WWC2: variants seen among roughly 807,000 people sequenced by gnomAD.
The protein encoded by WWC2 is WW and C2 domain containing 2.
A neutral mutation model predicts 138.5 loss-of-function variants in WWC2; 101 were observed. The ratio of observed to expected loss-of-function variants is 0.73; its 90% CI spans 0.62 to 0.86. The LOEUF (loss-of-function observed/expected upper bound fraction) is 0.86, where lower values mean the gene tolerates loss of function less well. WWC2 is among the 40% of genes least tolerant of loss of function. The probability of loss-of-function intolerance (pLI) is 0.00; values close to 1 mark genes in which losing one functional copy is unlikely to be tolerated. For missense variants in WWC2, 1,420 were observed against 1,419.4 expected (o/e 1.00, Z -0.01); for synonymous variants, 558 against 538.4 (o/e 1.04, Z -0.50).
At position 183,259,763 on chromosome 4, in the gene WWC2, C is replaced by T. The variant is rs1325830961; in HGVS notation, c.1286+35C>T. 2.2e-6 allele frequency: 3 copies of T among 1,362,968 alleles called. No individual in the cohort carries two copies. In the Admixed American group the frequency reaches 6.4e-5, roughly 29 times the overall value. 84.4% of individuals were successfully genotyped at this position (1,362,968 alleles called of 1,614,324 possible). On this transcript the variant is annotated intron_variant, in intron 10 of 22. Coordinates refer to ENST00000403733, the MANE Select transcript of WWC2 (RefSeq NM_024949.6). ...TCAGATTTTTGAGGGGAAAGCTTTT[C>T]TCCGAATAGCATGTTCTTGTTCATC...
chr4:183,178,375 T>TATAAATAA (rs1204507075), intron 1 of WWC2, among the ~76,000 whole-genome samples: 15 of 112,838 alleles, frequency 1.3e-4, no homozygotes, highest in Non-Finnish European at 2.1e-4. Flanking sequence ...ACCCTGTTTC[T>TATAAATAA]ACAAATAAAT....
intron 21 of WWC2, among the ~76,000 whole-genome samples, chr4:183,296,400 T>C (rs555274417): frequency 2.0e-5 from 3 of 152,292 alleles, no homozygotes; most frequent in East Asian, 1.9e-4. Flanking sequence ...AGTGCAAAGA[T>C]TTGAGAGAGC....
intron 2 of WWC2, among the ~76,000 whole-genome samples, chr4:183,198,830 T>C (rs1735222680): frequency 6.9e-6 from 1 of 145,376 alleles, no homozygotes; most frequent in Non-Finnish European, 1.5e-5. Flanking sequence ...CCTTTTGTGC[T>C]CTTGCATAAA....
At chr4:183,220,637 A>G (rs1462317610) in intron 4 of WWC2, among the ~76,000 whole-genome samples, 6 of 152,126 alleles carry the variant, frequency 3.9e-5, no homozygotes, top group East Asian at 1.9e-4. Context: ...GATTGAGACC[A>G]TCCTGGCTAA....
At chr4:183,266,554 G>A (rs1737512186) in intron 14 of WWC2, among the ~76,000 whole-genome samples, 2 of 152,146 alleles carry the variant, frequency 1.3e-5, no homozygotes, top group African/African-American at 2.4e-5. Context: ...TGACAAATAA[G>A]TCTGGAAGTC....
At chr4:183,218,418 G>C (rs1185981743) in intron 4 of WWC2, among the ~76,000 whole-genome samples, 1 of 151,668 alleles carries the variant, frequency 6.6e-6, no homozygotes, top group Non-Finnish European at 1.5e-5. Flanking sequence ...CTCTGCTTTC[G>C]GTTCTTTGGG....
At chr4:183,177,660 A>G (rs1244499072) in intron 1 of WWC2, among the ~76,000 whole-genome samples, 2 of 151,532 alleles carry the variant, frequency 1.3e-5, no homozygotes, top group African/African-American at 4.8e-5. Flanking sequence ...ATGATGTTAG[A>G]AAAAAAAAGA....
At chr4:183,264,909 G>A in intron 11 of WWC2, 69 bp from the exon 12 acceptor site, 1 of 1,459,656 alleles carries the variant, frequency 6.9e-7, no homozygotes, top group Non-Finnish European at 9.1e-7. Flanking sequence ...ACCAAACTAT[G>A]TATGTATTTA....
At position 183,210,578 on chromosome 4, in the gene WWC2, A is replaced by T. The variant is rs564583826; in HGVS notation, c.522+1553A>T. On this transcript the variant is annotated intron_variant, in intron 4 of 22. Transcript: ENST00000403733. ...CAAATATACACAATACAATTTATTT[A>T]AAAAAATACAACCATGGCTCACTTA... Among the ~76,000 whole-genome samples the T allele has an allele frequency of 9.8e-5, 15 of 152,316 alleles. No homozygotes were observed. The South Asian group carries it at 1.9e-3, about 19-fold the overall frequency.
rs375752784 is a variant in WWC2 at position 183,177,549 on chromosome 4, G to C, written c.132-16050G>C. On this transcript the variant is annotated intron_variant, in intron 1 of 22. Coordinates refer to ENST00000403733, the MANE Select transcript of WWC2 (RefSeq NM_024949.6). The stretch of plus-strand genomic sequence containing the variant: ...TTAACAAGGTTCAAGAATAAATAAG[G>C]CTGTTTCCTCTTCTTAATAAATACA... Among the ~76,000 whole-genome samples, 66 of 152,140 alleles carry C rather than the reference G, an allele frequency of 4.3e-4. No homozygotes were observed. The East Asian group carries it at 0.01, about 23-fold the overall frequency.
chr4:183,135,250 T>A (rs922908401), intron 1 of WWC2, among the ~76,000 whole-genome samples: 3 of 152,182 alleles, frequency 2.0e-5, no homozygotes, highest in African/African-American at 4.8e-5. Flanking sequence ...CTACTTAGTT[T>A]ACATTTATTG....
intron 1 of WWC2, among the ~76,000 whole-genome samples, chr4:183,116,441 T>G (rs1732411041): frequency 6.6e-6 from 1 of 152,242 alleles, no homozygotes; most frequent in Admixed American, 6.5e-5. Flanking sequence ...TATTTCCATT[T>G]TAGGAAACTG....
intron 1 of WWC2, among the ~76,000 whole-genome samples, chr4:183,175,319 C>T (rs566809316): frequency 2.6e-5 from 4 of 152,008 alleles, no homozygotes; most frequent in Non-Finnish European, 2.9e-5. Context: ...TGGAGTGCAG[C>T]GGTGTGATCT....
chr4:183,251,760 G>A (rs923265027), intron 8 of WWC2, among the ~76,000 whole-genome samples: 2 of 152,186 alleles, frequency 1.3e-5, no homozygotes, highest in African/African-American at 4.8e-5. Flanking sequence ...AAAGTTACTA[G>A]TGATGCTGAT....
In WWC2 at chr4:183,320,035, T is replaced by C; in HGVS notation, c.*4306T>C. ...AAGGAGTCAAAGTCCTTGCATTGCA[T>C]CCCCACTTCCTCTTGGATGACACAG... On this transcript the variant is annotated 3_prime_UTR_variant, in exon 23 of 23. Transcript: ENST00000403733. 1 of 1,614,040 alleles carries C rather than the reference T, an allele frequency of 6.2e-7. No homozygotes were observed. Among genetic ancestry groups the C allele is most frequent in the Non-Finnish European group, 8.5e-7 (1 of 1,179,974 alleles).
intron 21 of WWC2, among the ~76,000 whole-genome samples, chr4:183,305,940 A>T (rs1019094484): frequency 2.0e-5 from 3 of 152,208 alleles, no homozygotes; most frequent in Non-Finnish European, 2.9e-5. Flanking sequence ...ACGTGTGTGT[A>T]TGCTTACGTA....
chr4:183,314,919 C>T (rs551129473), intron 22 of WWC2, among the ~76,000 whole-genome samples: 2 of 152,230 alleles, frequency 1.3e-5, no homozygotes, highest in East Asian at 1.9e-4. Context: ...GTTTCTAACC[C>T]GCACCTCCTC....
intron 4 of WWC2, among the ~76,000 whole-genome samples, chr4:183,225,736 A>G (rs1457630519): frequency 1.3e-5 from 2 of 152,244 alleles, no homozygotes; most frequent in Non-Finnish European, 2.9e-5. Context: ...CAAGTGATGT[A>G]GCAGAGAACA....
intron 16 of WWC2, among the ~76,000 whole-genome samples, chr4:183,272,539 T>C (rs755202839): frequency 6.6e-6 from 1 of 152,212 alleles, no homozygotes; most frequent in Non-Finnish European, 1.5e-5. Context: ...TACAGTCTAA[T>C]ATTAGAACAT....
Sources: gnomAD v4.1 joint callset for allele counts (sites outside exome capture counted in the v4.1 genomes callset) on GRCh38, gnomAD v4.1.1 for gene constraint, MANE v1.5 for transcripts, NCBI Gene and HGNC (gene_info 2026-07-23, HGNC 2026-07-21) for gene names.